The following MEMO1 variants were observed in gnomAD, a reference collection of about 807,000 sequenced individuals.
MEMO1 encodes protein MEMO1.
Under a neutral mutation model 45.2 loss-of-function variants are expected in MEMO1, and 6 were observed. The ratio of observed to expected loss-of-function variants is 0.13; its 90% CI spans 0.07 to 0.26. The LOEUF is 0.26. Among genes scored for constraint, MEMO1 ranks in the 10% least tolerant of loss-of-function variants. MEMO1 has a pLI of 1.00. For synonymous variants in MEMO1, 78 were observed against 124.3 expected, an observed-to-expected ratio of 0.63 and a Z score of 2.48; for missense variants, 184 against 370.5, an observed-to-expected ratio of 0.50 and a Z score of 4.13.
At chr2:31,920,967 T>C in intron 4 of MEMO1, 57 bp from the exon 5 acceptor site, 1 of 1,158,766 alleles carries the variant, frequency 8.6e-7, no homozygotes, top group Non-Finnish European at 1.3e-6. Context: ...CAAACCTTAT[T>C]AAATAAAAGA....
At chr2:31,962,972 T>C (rs1322343950) in intron 2 of MEMO1, among the ~76,000 whole-genome samples, 1 of 152,176 alleles carries the variant, frequency 6.6e-6, no homozygotes, top group African/African-American at 2.4e-5. Flanking sequence ...AACAAAAAGG[T>C]TGACCCTCCC....
chr2:31,956,399 T>C (rs1667419274), intron 2 of MEMO1, among the ~76,000 whole-genome samples: 1 of 152,170 alleles, frequency 6.6e-6, no homozygotes, highest in Non-Finnish European at 1.5e-5. Flanking sequence ...TTATTTTTCA[T>C]ATATTTCTAC....
chr2:31,988,842 A>G (rs1323212677), intron 2 of MEMO1, among the ~76,000 whole-genome samples: 1 of 152,212 alleles, frequency 6.6e-6, no homozygotes, highest in Non-Finnish European at 1.5e-5. Context: ...GCTTTTTTAT[A>G]GACCACCATT....
intron 6 of MEMO1, among the ~76,000 whole-genome samples, chr2:31,906,291 T>G (rs1679718334): frequency 6.7e-6 from 1 of 148,950 alleles, no homozygotes; most frequent in Non-Finnish European, 1.5e-5. Context: ...TTCTTTTGTT[T>G]TTGTTTTTGT....
At chr2:31,955,838 C>T (rs1667354595) in intron 2 of MEMO1, among the ~76,000 whole-genome samples, 1 of 152,116 alleles carries the variant, frequency 6.6e-6, no homozygotes, top group South Asian at 2.1e-4. Context: ...AAACTCCTGA[C>T]CTCAGGTGAT....
chr2:31,946,294 A>G (rs1286249442), intron 2 of MEMO1, among the ~76,000 whole-genome samples: 1 of 152,200 alleles, frequency 6.6e-6, no homozygotes, highest in African/African-American at 2.4e-5. Context: ...ACTGAAATTA[A>G]GCATCTACTG....
At chr2:31,927,048 C>T (rs1027243390) in intron 4 of MEMO1, among the ~76,000 whole-genome samples, 3 of 152,022 alleles carry the variant, frequency 2.0e-5, no homozygotes, top group Admixed American at 2.0e-4. Flanking sequence ...TACAAATATT[C>T]GGCTGGGTGC....
intron 8 of MEMO1, among the ~76,000 whole-genome samples, chr2:31,874,421 C>T (rs1412062017): frequency 1.3e-5 from 2 of 151,968 alleles, no homozygotes; most frequent in African/African-American, 4.8e-5. Flanking sequence ...CAACTACATT[C>T]GGTAGTTTGT....
At chr2:31,894,418 C>T (rs758543611) in intron 6 of MEMO1, among the ~76,000 whole-genome samples, 1 of 152,116 alleles carries the variant, frequency 6.6e-6, no homozygotes, top group Non-Finnish European at 1.5e-5. Context: ...TTTCTTAGTC[C>T]GAGATTGCTG....
chr2:31,953,728 A>T (rs368402208), intron 2 of MEMO1, among the ~76,000 whole-genome samples: 2 of 152,098 alleles, frequency 1.3e-5, no homozygotes, highest in South Asian at 4.1e-4. Flanking sequence ...AAGTGCTGGG[A>T]TTACAGGTGT....
intron 3 of MEMO1, among the ~76,000 whole-genome samples, chr2:31,934,731 T>C (rs1344419760): frequency 1.3e-5 from 2 of 152,154 alleles, no homozygotes; most frequent in African/African-American, 4.8e-5. Context: ...TGTGAGCTCT[T>C]GGGCAGGGGT....
At chr2:31,925,895 G>A (rs888922727) in intron 4 of MEMO1, among the ~76,000 whole-genome samples, 12 of 152,132 alleles carry the variant, frequency 7.9e-5, no homozygotes, top group Non-Finnish European at 1.8e-4. Context: ...CATTCAATCT[G>A]TGGTGATAAA....
chr2:31,892,542 C>T (rs1194601657), intron 6 of MEMO1, among the ~76,000 whole-genome samples: 1 of 152,168 alleles, frequency 6.6e-6, no homozygotes, highest in African/African-American at 2.4e-5. Flanking sequence ...AACTCTTCCT[C>T]ACCTATTTTA....
intron 2 of MEMO1, among the ~76,000 whole-genome samples, chr2:31,944,631 T>G (rs1296084078): frequency 6.6e-6 from 1 of 152,196 alleles, no homozygotes; most frequent in Non-Finnish European, 1.5e-5. Context: ...TCTCAAGGAT[T>G]CTGCTCCCAT....
chr2:31,940,864 C>G (rs1349139136), intron 3 of MEMO1, among the ~76,000 whole-genome samples: 1 of 152,166 alleles, frequency 6.6e-6, no homozygotes, highest in African/African-American at 2.4e-5. Context: ...TTCTCTCTAT[C>G]TTGTTGGTCC....
chr2:31,873,632 G>T (rs1434795275), intron 8 of MEMO1, among the ~76,000 whole-genome samples: 1 of 152,076 alleles, frequency 6.6e-6, no homozygotes, highest in Non-Finnish European at 1.5e-5. Context: ...CAAAGGAGTA[G>T]CAAAACATTT....
chr2:31,964,985 G>A (rs898555637), intron 2 of MEMO1, among the ~76,000 whole-genome samples: 2 of 152,006 alleles, frequency 1.3e-5, no homozygotes, highest in African/African-American at 4.8e-5. Flanking sequence ...AGGTTGAGGC[G>A]GGTGGATCAC....
At chr2:31,961,538 G>A (rs1235046835) in intron 2 of MEMO1, among the ~76,000 whole-genome samples, 1 of 151,780 alleles carries the variant, frequency 6.6e-6, no homozygotes, top group Non-Finnish European at 1.5e-5. Context: ...CTAGGCAGGC[G>A]AATTGCTTGA....
chr2:31,993,949 C>CTTTTTTTTTTTTTTTTTT (rs397800267), intron 2 of MEMO1, among the ~76,000 whole-genome samples: 1 of 73,610 alleles, frequency 1.4e-5, no homozygotes, highest in African/African-American at 4.9e-5. Context: ...TCAATACTTT[C>CTTTTTTTTTTTTTTTTTT]TTTTTTTTTT....
Sources: gnomAD v4.1 joint callset for allele counts (sites outside exome capture counted in the v4.1 genomes callset) on GRCh38, gnomAD v4.1.1 for gene constraint, MANE v1.5 for transcripts, NCBI Gene and HGNC (gene_info 2026-07-23, HGNC 2026-07-21) for gene names.